Variants in GALNT13 observed in about 807,000 individuals in gnomAD.
GALNT13 encodes the protein UDP-GalNAc:polypeptide N-acetylgalactosaminyltransferase 13.
A neutral mutation model predicts 64.2 loss-of-function variants in GALNT13; 28 were observed. That is an observed-to-expected ratio of 0.44 (90% CI 0.32 to 0.60). The LOEUF is 0.60. Ranked by LOEUF, GALNT13 falls within the 20% of genes least tolerant of loss-of-function variation. GALNT13 has a pLI of 0.05. For missense variants in GALNT13, 577 were observed against 669.8 expected (o/e 0.86, Z 1.53); for synonymous variants, 214 against 224.6 (o/e 0.95, Z 0.42).
chr2:153,557,531 G>A, the GALNT13 span, among the ~76,000 whole-genome samples: 5 of 152,088 alleles, frequency 3.3e-5, no homozygotes, highest in Admixed American at 6.5e-5. Context: ...ATTCACCTGA[G>A]GGTTACCAAC....
chr2:153,433,615 CA>C, the GALNT13 span, among the ~76,000 whole-genome samples: 1 of 151,358 alleles, frequency 6.6e-6, no homozygotes, highest in Non-Finnish European at 1.5e-5. Context: ...ATATTCTTTG[CA>C]AAAAAAATCC....
At chr2:154,198,642 G>A (rs1465592136) in intron 4 of GALNT13, among the ~76,000 whole-genome samples, 1 of 151,562 alleles carries the variant, frequency 6.6e-6, no homozygotes, top group Admixed American at 6.6e-5. Flanking sequence ...AGGGGTACTT[G>A]CAGCATATAA....
rs188060244 is a variant in GALNT13, at chr2:154,333,189, G to A, written c.1156+31600G>A. Among the ~76,000 whole-genome samples the A allele has an allele frequency of 2.7e-3, 412 of 152,032 alleles. 1 individual carries two copies. Among genetic ancestry groups the A allele is most frequent in the Non-Finnish European group, 3.7e-3 (250 of 67,972 alleles). On this transcript the variant is annotated intron_variant, in intron 9 of 12. Coordinates refer to ENST00000392825, the MANE Select transcript of GALNT13 (RefSeq NM_052917.4). ...CACCTGTGACTCAGTAGAGCCTAAG[G>A]ACACCTAGAGGTTAGAAAATAAATA...
At chr2:153,628,023 A>C in the GALNT13 span, among the ~76,000 whole-genome samples, 1 of 152,006 alleles carries the variant, frequency 6.6e-6, no homozygotes, top group Non-Finnish European at 1.5e-5. Context: ...CTCTTATTTC[A>C]TTGAGCAGTG....
At chr2:153,379,058 A>AG in the GALNT13 span, among the ~76,000 whole-genome samples, 2 of 152,050 alleles carry the variant, frequency 1.3e-5, no homozygotes, top group Non-Finnish European at 2.9e-5. Context: ...TAGATCCTGG[A>AG]GTGGGGAATG....
At chr2:154,348,445 T>C (rs553299068) in intron 9 of GALNT13, among the ~76,000 whole-genome samples, 3 of 152,218 alleles carry the variant, frequency 2.0e-5, no homozygotes, top group Admixed American at 6.6e-5. Flanking sequence ...TGGTTTTAAG[T>C]ATACTTTCTA....
intron 8 of GALNT13, among the ~76,000 whole-genome samples, chr2:154,300,477 T>A (rs891170280): frequency 6.6e-6 from 1 of 152,106 alleles, no homozygotes; most frequent in East Asian, 1.9e-4. Context: ...ATGAAAACAA[T>A]GTTAGTTACA....
the GALNT13 span, among the ~76,000 whole-genome samples, chr2:153,290,898 T>C: frequency 2.0e-5 from 3 of 152,322 alleles, no homozygotes; most frequent in African/African-American, 4.8e-5. Flanking sequence ...TTAATTATCA[T>C]ATAGTTACAT....
chr2:154,000,430 T>C (rs1695828913), intron 3 of GALNT13, among the ~76,000 whole-genome samples: 1 of 152,030 alleles, frequency 6.6e-6, no homozygotes, highest in Non-Finnish European at 1.5e-5. Context: ...TCTTTTTTGA[T>C]GTAGAATTAT....
the GALNT13 span, among the ~76,000 whole-genome samples, chr2:153,291,823 T>G: frequency 6.6e-6 from 1 of 151,852 alleles, no homozygotes; most frequent in Non-Finnish European, 1.5e-5. Context: ...ACGAATTGTC[T>G]GGAGACACGT....
intron 9 of GALNT13, among the ~76,000 whole-genome samples, chr2:154,332,654 C>T (rs1695230317): frequency 6.6e-6 from 1 of 152,090 alleles, no homozygotes; most frequent in Non-Finnish European, 1.5e-5. Context: ...ATGAATCTGT[C>T]TTCCGGCTAT....
At chr2:153,243,249 CCA>C in the GALNT13 span, among the ~76,000 whole-genome samples, 1 of 152,132 alleles carries the variant, frequency 6.6e-6, no homozygotes, top group African/African-American at 2.4e-5. Context: ...CTATCTTCTC[CCA>C]TAGGATTTCC....
At chr2:154,227,152 G>A (rs1688662011) in intron 4 of GALNT13, among the ~76,000 whole-genome samples, 1 of 152,070 alleles carries the variant, frequency 6.6e-6, no homozygotes, top group South Asian at 2.1e-4. Flanking sequence ...GAGTGATCCA[G>A]TGTGTGTACT....
At chr2:154,235,991 T>G (rs1435854669) in intron 4 of GALNT13, 2 of 986,518 alleles carry the variant, frequency 2.0e-6, no homozygotes, top group African/African-American at 3.4e-5. Context: ...TGCCTCCATA[T>G]TCTTTCCAAA....
the GALNT13 span, among the ~76,000 whole-genome samples, chr2:153,291,756 A>AC: frequency 2.0e-5 from 3 of 151,772 alleles, no homozygotes; most frequent in East Asian, 1.9e-4. Context: ...AAAAAAAAAA[A>AC]AAAAACCTCT....
chr2:153,147,267 C>T, the GALNT13 span, among the ~76,000 whole-genome samples: 4 of 151,786 alleles, frequency 2.6e-5, no homozygotes, highest in African/African-American at 2.4e-5. Context: ...ATGACAAGTG[C>T]GGTGAGAATG....
the GALNT13 span, among the ~76,000 whole-genome samples, chr2:153,371,252 A>G: frequency 6.6e-6 from 1 of 152,314 alleles, no homozygotes; most frequent in South Asian, 2.1e-4. Flanking sequence ...AAAACACTAA[A>G]CGTTTTCCCT....
chr2:153,774,599 T>G, the GALNT13 span, among the ~76,000 whole-genome samples: 2 of 152,026 alleles, frequency 1.3e-5, no homozygotes, highest in East Asian at 3.9e-4. Context: ...TGAAATTTAG[T>G]CAAGAACAAA....
chr2:153,254,672 T>C, the GALNT13 span, among the ~76,000 whole-genome samples: 2 of 152,196 alleles, frequency 1.3e-5, no homozygotes, highest in South Asian at 4.1e-4. Context: ...TGTTGTGTCT[T>C]TGTTCTCGTT....
Sources: gnomAD v4.1 joint callset for allele counts (sites outside exome capture counted in the v4.1 genomes callset) on GRCh38, gnomAD v4.1.1 for gene constraint, MANE v1.5 for transcripts, NCBI Gene and HGNC (gene_info 2026-07-23, HGNC 2026-07-21) for gene names.